MMP26: variants seen among roughly 807,000 people sequenced by gnomAD.
The protein encoded by MMP26 is matrix metallopeptidase 26.
Under a neutral mutation model 31.0 loss-of-function variants are expected in MMP26, and 33 were observed. That is an observed-to-expected ratio of 1.06 (90% CI 0.81 to 1.42). The LOEUF (loss-of-function observed/expected upper bound fraction) is 1.42. Ranked by LOEUF, MMP26 falls within the 40% of genes most tolerant of loss-of-function variation. The probability of loss-of-function intolerance (pLI) is 0.00; values close to 1 mark genes in which losing one functional copy is unlikely to be tolerated. For missense variants in MMP26, 347 were observed against 316.1 expected (o/e 1.10, Z -0.74); for synonymous variants, 122 against 114.9 (o/e 1.06, Z -0.40).
chr11:4,907,155 G>T (rs1850907898), intron 2 of MMP26, among the ~76,000 whole-genome samples: 1 of 146,376 alleles, frequency 6.8e-6, no homozygotes, highest in Non-Finnish European at 1.5e-5. Context: ...AGGACAAGTT[G>T]TTAGAAGTGA....
rs115005899 is a variant in MMP26 at position 4,904,541 on chromosome 11, A to C, written c.-144-83527A>C. Among the ~76,000 whole-genome samples the C allele has an allele frequency of 3.3e-3, 504 of 152,114 alleles. 3 individuals are homozygous for C. The highest frequency in any genetic ancestry group is 0.012 in the African/African-American group (483 of 41,530). On this transcript the variant is annotated intron_variant, in intron 2 of 7. Transcript: ENST00000380390. ...TGCTCCTCAGGGTTCTATGAGTTTT[A>C]AATTTTGTATTATGTACATTTTTAC... is the stretch of plus-strand genomic sequence containing the variant.
At chr11:4,804,119 A>G (rs17327254) in intron 2 of MMP26, 133,692 of 1,614,036 alleles carry the variant, frequency 0.083, 6,288 homozygotes, top group Middle Eastern at 0.11. Flanking sequence ...TGAAACCAGA[A>G]TATGGCCAAC....
At chr11:4,790,228 CT>C (rs555916619) in intron 2 of MMP26, among the ~76,000 whole-genome samples, 191 of 152,136 alleles carry the variant, frequency 1.3e-3, no homozygotes, top group African/African-American at 4.5e-3. Context: ...ATAATCCCAG[CT>C]ACTCGGGAGG....
At chr11:4,839,533 G>T (rs1849766039) in intron 2 of MMP26, among the ~76,000 whole-genome samples, 1 of 151,560 alleles carries the variant, frequency 6.6e-6, no homozygotes, top group African/African-American at 2.4e-5. Context: ...TCAGAGTCCT[G>T]AGGCCTTTGT....
chr11:4,913,591 A>G (rs377334350), intron 2 of MMP26: 2 of 152,186 alleles, frequency 1.3e-5, no homozygotes, highest in African/African-American at 4.8e-5. Flanking sequence ...ACAACATATA[A>G]AAGGGCATAA....
intron 1 of MMP26, among the ~76,000 whole-genome samples, chr11:4,749,269 G>A (rs1021779223): frequency 1.3e-5 from 2 of 151,842 alleles, no homozygotes; most frequent in Non-Finnish European, 2.9e-5. Flanking sequence ...ACAAAATGCT[G>A]AGGAAAAAAA....
rs1846371877 is a variant in MMP26 at position 4,951,408 on chromosome 11, T to C, written c.-144-36660T>C. ...GAATAATGTATGCTTTTTAAAGTGC[T>C]ACCAGTGAACTCTCTCCAGGCTGTT... On this transcript the variant is annotated intron_variant, in intron 2 of 7. Coordinates refer to ENST00000380390, the MANE Select transcript of MMP26 (RefSeq NM_021801.5). Among the ~76,000 whole-genome samples, 2 of 124,794 alleles carry C rather than the reference T, an allele frequency of 1.6e-5. 1 individual carries two copies. The highest frequency in any genetic ancestry group is 3.6e-5 in the Non-Finnish European group (2 of 55,004). The allele number at this position is 124,794 out of a possible 152,430, so 81.9% of individuals were successfully genotyped here.
At chr11:4,828,711 C>T (rs1218805316) in intron 2 of MMP26, among the ~76,000 whole-genome samples, 6 of 152,042 alleles carry the variant, frequency 3.9e-5, no homozygotes, top group African/African-American at 7.2e-5. Flanking sequence ...TCTCTTGGTT[C>T]GACACTTATG....
chr11:4,903,452 T>C (rs564945828), intron 2 of MMP26, among the ~76,000 whole-genome samples: 1 of 152,280 alleles, frequency 6.6e-6, no homozygotes, highest in Admixed American at 6.5e-5. Flanking sequence ...TGGTTTGACT[T>C]AGAATTGGAC....
intron 1 of MMP26, among the ~76,000 whole-genome samples, chr11:4,722,462 A>G (rs1484243444): frequency 4.9e-5 from 7 of 143,558 alleles, no homozygotes; most frequent in Admixed American, 3.6e-4. Context: ...TAAGGCGTGA[A>G]GTAATTACTT....
At chr11:4,987,986 C>A in intron 2 of MMP26, 82 bp from the exon 3 acceptor site, 1 of 568,986 alleles carries the variant, frequency 1.8e-6, no homozygotes. Context: ...TGCTGAGGAC[C>A]ATCAGGTGTG....
chr11:4,799,472 T>C (rs1212330874), intron 2 of MMP26, among the ~76,000 whole-genome samples: 2 of 152,046 alleles, frequency 1.3e-5, no homozygotes, highest in East Asian at 3.9e-4. Flanking sequence ...TCATGAGAGA[T>C]CGACCCTCAT....
chr11:4,972,668 T>A (rs546557869), intron 2 of MMP26, among the ~76,000 whole-genome samples: 17 of 151,350 alleles, frequency 1.1e-4, no homozygotes, highest in African/African-American at 2.5e-4. Flanking sequence ...ATAGACAATA[T>A]TATTTTAATC....
chr11:4,730,386 A>G (rs990158912), intron 1 of MMP26, among the ~76,000 whole-genome samples: 2 of 130,592 alleles, frequency 1.5e-5, no homozygotes, highest in East Asian at 3.9e-4. Context: ...TTTTATTTTA[A>G]CACTTAGGTT....
At chr11:4,856,790 C>T (rs1850060064) in intron 2 of MMP26, among the ~76,000 whole-genome samples, 2 of 152,204 alleles carry the variant, frequency 1.3e-5, no homozygotes, top group Non-Finnish European at 2.9e-5. Flanking sequence ...CACCACGTCG[C>T]ACTTATTCCA....
intron 2 of MMP26, among the ~76,000 whole-genome samples, chr11:4,966,032 A>C (rs1271372826): frequency 6.6e-6 from 1 of 152,204 alleles, no homozygotes; most frequent in African/African-American, 2.4e-5. Flanking sequence ...TAAGTGGTTT[A>C]CATTTTTGTA....
intron 2 of MMP26, among the ~76,000 whole-genome samples, chr11:4,960,321 C>T (rs890102952): frequency 2.3e-5 from 3 of 131,312 alleles, no homozygotes; most frequent in Non-Finnish European, 3.4e-5. Flanking sequence ...GTGCTATGTG[C>T]CTGATTTTTT....
intron 2 of MMP26, chr11:4,914,846 G>T (rs771902033): frequency 1.2e-6 from 2 of 1,614,032 alleles, no homozygotes; most frequent in East Asian, 2.2e-5. Flanking sequence ...CAGGTGGGGT[G>T]CCTGCTTTCC....
intron 2 of MMP26, among the ~76,000 whole-genome samples, chr11:4,816,963 G>A (rs898551911): frequency 6.6e-6 from 1 of 150,670 alleles, no homozygotes; most frequent in African/African-American, 2.4e-5. Flanking sequence ...ACCCGCCTCG[G>A]CCTCCCAAAG....
Sources: gnomAD v4.1 joint callset for allele counts (sites outside exome capture counted in the v4.1 genomes callset) on GRCh38, gnomAD v4.1.1 for gene constraint, MANE v1.5 for transcripts, NCBI Gene and HGNC (gene_info 2026-07-23, HGNC 2026-07-21) for gene names.